The following TMEM41A variants were observed in gnomAD, a reference collection of about 807,000 sequenced individuals.
TMEM41A encodes transmembrane protein 41A.
Under a neutral mutation model 25.7 loss-of-function variants are expected in TMEM41A, and 20 were observed. The ratio of observed to expected loss-of-function variants is 0.78; its 90% confidence interval spans 0.55 to 1.13. The LOEUF (loss-of-function observed/expected upper bound fraction) is 1.13. Among genes scored for constraint, TMEM41A ranks in the 50% most tolerant of loss-of-function variants. TMEM41A has a pLI of 0.00. For synonymous variants in TMEM41A, 133 were observed against 139.6 expected, an observed-to-expected ratio of 0.95 and a Z score of 0.33; for missense variants, 299 against 314.3, an observed-to-expected ratio of 0.95 and a Z score of 0.37.
At chr3:185,492,831 A>T (rs1160278694) in intron 4 of TMEM41A, 1 of 152,250 alleles carries the variant, frequency 6.6e-6, no homozygotes, top group African/African-American at 2.4e-5. Flanking sequence ...AGCTTGTGAG[A>T]CAGAGGACAG....
intron 1 of TMEM41A, 174 bp downstream of exon 1, chr3:185,498,669 G>A (rs1719183292): frequency 3.4e-6 from 2 of 594,500 alleles, no homozygotes; most frequent in East Asian, 3.0e-5. Context: ...CCTTCTGTCC[G>A]AGACCGTGCG....
In TMEM41A at chr3:185,494,619, T is replaced by C. The variant is rs770986099; in HGVS notation, c.574+4A>G. On this transcript the variant is annotated splice_donor_region_variant and intron_variant, in intron 4 of 4. Transcript: ENST00000421852. ...GACTCAAACCTACCCCACTAGCATC[T>C]TACCGATAAGAACTGAGAAGAAGAA... 1 of 1,590,756 alleles carries C rather than the reference T, an allele frequency of 6.3e-7. No homozygotes were observed. The highest frequency in any genetic ancestry group is 1.8e-5 in the Admixed American group (1 of 55,522).
intron 2 of TMEM41A, chr3:185,495,526 G>A (rs1040132368): frequency 6.9e-6 from 4 of 580,518 alleles, no homozygotes; most frequent in Middle Eastern, 4.6e-4. Context: ...CTGCATCCTC[G>A]AACTCCTGGA....
At position 185,491,645 on chromosome 3, in the gene TMEM41A, G is replaced by A. The variant is rs1453463841; in HGVS notation, c.687C>T (p.Ala229=). ...WDTVFKLLAI[A]MVALIPGTLI... The stretch of plus-strand genomic sequence containing the variant: ...GGGTTCCAGGAATTAATGCCACCAT[G>A]GCAATGGCCAACAGCTTAAAGACAG... The change falls in exon 5 of 5, where the codon GCC becomes GCT. Residue 229 remains alanine, a synonymous_variant. Coordinates refer to ENST00000421852, the MANE Select transcript of TMEM41A (RefSeq NM_080652.4). 6.2e-7 allele frequency: 1 copy of A among 1,614,070 alleles called. No individual in the cohort carries two copies. Among genetic ancestry groups the A allele is most frequent in the Non-Finnish European group, 8.5e-7 (1 of 1,180,036 alleles).
At chr3:185,496,454 A>G in intron 2 of TMEM41A, 1 of 332,556 alleles carries the variant, frequency 3.0e-6, no homozygotes, top group East Asian at 7.4e-5. Flanking sequence ...TCAGTTCAAG[A>G]CAGAAGACAG....
At chr3:185,497,147 C>A (rs1719128405) in intron 1 of TMEM41A, among the ~76,000 whole-genome samples, 166 bp from the exon 2 acceptor site, 1 of 152,174 alleles carries the variant, frequency 6.6e-6, no homozygotes, top group Non-Finnish European at 1.5e-5. Flanking sequence ...TACGACGTTG[C>A]GGAGACAGAC....
chr3:185,491,331 G>A lies in TMEM41A; in HGVS notation c.*206C>T, dbSNP rs1718943152. 4.0e-6 allele frequency: 2 copies of A among 505,584 alleles called. No individual in the cohort carries two copies. Among genetic ancestry groups the A allele is most frequent in the Non-Finnish European group, 7.1e-6 (2 of 280,584 alleles). 31.3% of individuals were successfully genotyped at this position (505,584 alleles called of 1,614,324 possible). Reference sequence around the variant, plus strand: ...TTTTCTAGGAGGCATCTGTTGCAGTGTCTGCTACACCAGGGCTGGTTTGAA... The same window carrying A: ...TTTTCTAGGAGGCATCTGTTGCAGTATCTGCTACACCAGGGCTGGTTTGAA... On this transcript the variant is annotated 3_prime_UTR_variant, in exon 5 of 5. Transcript: ENST00000421852.
At chr3:185,498,734 C>T in intron 1 of TMEM41A, 109 bp downstream of exon 1, 2 of 816,970 alleles carry the variant, frequency 2.4e-6, no homozygotes, top group Non-Finnish European at 3.8e-6. Flanking sequence ...AACCTCAATT[C>T]CCAACGCCTC....
intron 4 of TMEM41A, chr3:185,493,885 T>G (rs1183128365): frequency 6.6e-6 from 1 of 152,230 alleles, no homozygotes; most frequent in Non-Finnish European, 1.5e-5. Flanking sequence ...TTAATAGGTT[T>G]GCAGTTTGAG....
Position 185,499,006 on chromosome 3 carries a change from T to C in TMEM41A, c.-45A>G, listed in dbSNP as rs755607237. On this transcript the variant is annotated 5_prime_UTR_variant, in exon 1 of 5. Transcript: ENST00000421852. The stretch of plus-strand genomic sequence containing the variant: ...CCGCGGGGCAGCCGAGAAGCTCACT[T>C]GCACTCCGGGACGCAGCGGCGGGCG... 1.2e-5 allele frequency: 19 copies of C among 1,523,448 alleles called. 3 individuals are homozygous for C. The South Asian group carries it at 2.0e-4, about 16-fold the overall frequency. 94.4% of individuals were successfully genotyped at this position (1,523,448 alleles called of 1,614,324 possible). A position where few individuals can be genotyped will look rare whatever the true frequency, so the allele number is the denominator to read the frequency against.
At chr3:185,497,408 C>G (rs1211273655) in intron 1 of TMEM41A, among the ~76,000 whole-genome samples, 1 of 152,224 alleles carries the variant, frequency 6.6e-6, no homozygotes, top group Non-Finnish European at 1.5e-5. Flanking sequence ...CTGCCTCCCC[C>G]ACAAACCAAG....
rs1470461516 is a variant in TMEM41A, at chr3:185,489,901, T to A, written c.*1636A>T. 1 of 152,196 alleles carries A rather than the reference T, an allele frequency of 6.6e-6. No individual in the cohort carries two copies. Among genetic ancestry groups the A allele is most frequent in the Non-Finnish European group, 1.5e-5 (1 of 68,026 alleles). The allele number at this position is 152,196 out of a possible 1,614,324, so 9.4% of individuals were successfully genotyped here. On this transcript the variant is annotated 3_prime_UTR_variant, in exon 5 of 5. Coordinates refer to ENST00000421852, the MANE Select transcript of TMEM41A (RefSeq NM_080652.4). Reference sequence around the variant, plus strand: ...TGAAATCCTCGGTGTGAAAGGATCATACCATAACCAAAAACCATCACCTGG... The same window carrying A: ...TGAAATCCTCGGTGTGAAAGGATCAAACCATAACCAAAAACCATCACCTGG...
rs902747503 is a variant in TMEM41A, at chr3:185,491,242, G to A, written c.*295C>T. 1.3e-5 allele frequency: 3 copies of A among 224,588 alleles called. No homozygotes were observed. The highest frequency in any genetic ancestry group is 2.7e-5 in the Non-Finnish European group (3 of 112,656). 13.9% of individuals were successfully genotyped at this position (224,588 alleles called of 1,614,324 possible). Reference sequence around the variant, plus strand: ...TGAACTCCTGACCTTGTGAATCACCGGCCTCGGCCTCCCAAAGTGCTGGGA... The same window carrying A: ...TGAACTCCTGACCTTGTGAATCACCAGCCTCGGCCTCCCAAAGTGCTGGGA... On this transcript the variant is annotated 3_prime_UTR_variant, in exon 5 of 5. Transcript: ENST00000421852.
In TMEM41A at chr3:185,494,707, G is replaced by T. The variant is rs1468242119; in HGVS notation, c.490C>A (p.Pro164Thr). ...TTCAAGAACCAGTTTGGTGTCATGG[G>T]GAAAAGTCTCAAAAACAATAAGAAA... ...FFFLLFLRLFPMTPNWFLNLS... is the reference protein window; with the variant it reads ...FFFLLFLRLFTMTPNWFLNLS... The change falls in exon 4 of 5, where the codon CCC becomes ACC. Residue 164 changes from proline to threonine, a missense_variant. Pro to Thr is a conservative substitution (Grantham distance 38). Coordinates refer to ENST00000421852, the MANE Select transcript of TMEM41A (RefSeq NM_080652.4). 1.2e-6 allele frequency: 2 copies of T among 1,612,838 alleles called. No homozygotes were observed. The highest frequency in any genetic ancestry group is 2.7e-5 in the African/African-American group (2 of 74,802).
Position 185,494,608 on chromosome 3 carries a change from C to A in TMEM41A, c.574+15G>T, listed in dbSNP as rs1719045731. On this transcript the variant is annotated intron_variant, in intron 4 of 4. Coordinates refer to ENST00000421852, the MANE Select transcript of TMEM41A (RefSeq NM_080652.4). ...ACAGCTCTGAAGACTCAAACCTACC[C>A]CACTAGCATCTTACCGATAAGAACT... The A allele has an allele frequency of 3.8e-6, 6 of 1,578,942 alleles. No homozygotes were observed. Among genetic ancestry groups the A allele is most frequent in the Non-Finnish European group, 5.1e-6 (6 of 1,165,296 alleles).
intron 4 of TMEM41A, 62 bp downstream of exon 4, chr3:185,494,561 C>A: frequency 1.3e-6 from 2 of 1,485,282 alleles, no homozygotes; most frequent in Non-Finnish European, 1.8e-6. Context: ...TGGCCAATAA[C>A]CCAGGGCAGA....
At position 185,498,634 on chromosome 3, in the gene TMEM41A, G is replaced by A. The variant is rs901853901; in HGVS notation, c.119+209C>T. On this transcript the variant is annotated intron_variant, in intron 1 of 4. Coordinates refer to ENST00000421852, the MANE Select transcript of TMEM41A (RefSeq NM_080652.4). The stretch of plus-strand genomic sequence containing the variant: ...GCCAGCACCACACAGGTCCCAGTCA[G>A]GCCCGGAGCCGGGCTCCCATCCACC... 3 of 540,622 alleles carry A rather than the reference G, an allele frequency of 5.5e-6. No individual in the cohort carries two copies. The African/African-American group carries it at 6.0e-5, about 11-fold the overall frequency. The allele number at this position is 540,622 out of a possible 1,614,324, so 33.5% of individuals were successfully genotyped here.
chr3:185,494,576 C>T, intron 4 of TMEM41A, 47 bp downstream of exon 4: 1 of 1,518,120 alleles, frequency 6.6e-7, no homozygotes, highest in Non-Finnish European at 8.8e-7. Flanking sequence ...GGCAGACCCC[C>T]AGCGTGACAG....
intron 1 of TMEM41A, 128 bp from the exon 2 acceptor site, chr3:185,497,109 C>T (rs1189016157): frequency 1.7e-6 from 2 of 1,184,856 alleles, no homozygotes; most frequent in East Asian, 5.2e-5. Context: ...GCTGGGAACA[C>T]ATACACTCCC....
Sources: gnomAD v4.1 joint callset for allele counts (sites outside exome capture counted in the v4.1 genomes callset) on GRCh38, gnomAD v4.1.1 for gene constraint, MANE v1.5 for transcripts, NCBI Gene and HGNC (gene_info 2026-07-23, HGNC 2026-07-21) for gene names.